Variants in RBFOX1 observed in about 807,000 individuals in gnomAD.
The protein encoded by RBFOX1 is RNA binding protein fox-1 homolog 1.
In RBFOX1, 8 loss-of-function variants were observed where a neutral mutation model predicts 57.7. The observed-to-expected ratio is 0.14, with a 90% CI of 0.08 to 0.25. The LOEUF (loss-of-function observed/expected upper bound fraction) is 0.25, where lower values mean the gene tolerates loss of function less well. Ranked by LOEUF, RBFOX1 falls within the 10% of genes least tolerant of loss-of-function variation. The probability of loss-of-function intolerance (pLI) is 1.00; values close to 1 mark genes in which losing one functional copy is unlikely to be tolerated. For missense variants in RBFOX1, 611 were observed against 548.5 expected, an observed-to-expected ratio of 1.11 and a Z score of -1.14; for synonymous variants, 326 against 222.4, an observed-to-expected ratio of 1.47 and a Z score of -4.15.
intron 4 of RBFOX1, among the ~76,000 whole-genome samples, chr16:5,913,685 G>A (rs2058650383): frequency 6.6e-6 from 1 of 152,158 alleles, no homozygotes; most frequent in African/African-American, 2.4e-5. Context: ...ATGCAAAACA[G>A]GCTAACACAG....
chr16:7,709,172 C>G, intron 15 of RBFOX1, 41 bp downstream of exon 15: 1 of 1,543,536 alleles, frequency 6.5e-7, no homozygotes, highest in Non-Finnish European at 8.9e-7. Flanking sequence ...CCTCCTGCCT[C>G]CCTTCCCTTT....
intron 3 of RBFOX1, among the ~76,000 whole-genome samples, chr16:5,652,447 T>C (rs533012267): frequency 2.4e-4 from 36 of 152,282 alleles, no homozygotes; most frequent in African/African-American, 7.9e-4. Context: ...AAGGGAAGCC[T>C]GTATCACATG....
In RBFOX1 at chr16:6,854,688, G is replaced by C. The variant is rs946500987; in HGVS notation, c.-15-197369G>C. Among the ~76,000 whole-genome samples, 3 of 142,598 alleles carry C rather than the reference G, an allele frequency of 2.1e-5. No individual in the cohort carries two copies. In the Admixed American group the frequency reaches 2.2e-4, roughly 10 times the overall value. The allele number at this position is 142,598 out of a possible 152,430, so 93.5% of individuals were successfully genotyped here. On this transcript the variant is annotated intron_variant, in intron 3 of 15. Coordinates refer to ENST00000550418, the MANE Select transcript of RBFOX1 (RefSeq NM_018723.4). ...GGGCTCACTGCAAGCTCCGCCTCCT[G>C]GGTTCAAGTCGTTCTCCTGCGTCAG...
At chr16:7,631,996 G>A (rs370514994) in intron 11 of RBFOX1, among the ~76,000 whole-genome samples, 3 of 152,102 alleles carry the variant, frequency 2.0e-5, no homozygotes, top group Non-Finnish European at 2.9e-5. Flanking sequence ...TGCAACCTCC[G>A]CCTCCTGGGC....
chr16:5,874,045 A>G (rs2057543255), intron 4 of RBFOX1, among the ~76,000 whole-genome samples: 1 of 152,234 alleles, frequency 6.6e-6, no homozygotes, highest in East Asian at 1.9e-4. Context: ...ATGGAAATCA[A>G]AGAGTAAGAT....
chr16:6,598,457 C>T (rs1195455986), intron 2 of RBFOX1, among the ~76,000 whole-genome samples: 1 of 152,052 alleles, frequency 6.6e-6, no homozygotes, highest in Non-Finnish European at 1.5e-5. Context: ...TTGTTATCTC[C>T]CAGTAATCCT....
At chr16:6,893,987 A>C (rs540373948) in intron 3 of RBFOX1, among the ~76,000 whole-genome samples, 1 of 152,186 alleles carries the variant, frequency 6.6e-6, no homozygotes, top group South Asian at 2.1e-4. Flanking sequence ...TAATATCCCA[A>C]AGACAGTGCT....
chr16:5,296,738 G>C (rs893202464), intron 1 of RBFOX1, among the ~76,000 whole-genome samples: 1 of 151,380 alleles, frequency 6.6e-6, no homozygotes, highest in Non-Finnish European at 1.5e-5. Context: ...GAGTGCAGTG[G>C]CGCGATCCTG....
At chr16:6,216,893 T>C (rs1159572658) in intron 1 of RBFOX1, among the ~76,000 whole-genome samples, 1 of 152,172 alleles carries the variant, frequency 6.6e-6, no homozygotes, top group African/African-American at 2.4e-5. Context: ...CGCTCTCCCT[T>C]GGAAGCTCTT....
In RBFOX1 at chr16:6,078,129, C is replaced by T. The variant is rs971271759; in HGVS notation, c.-127+58137C>T. 3.3e-5 allele frequency among the ~76,000 whole-genome samples: 5 copies of T among 152,226 alleles called. No individual in the cohort carries two copies. In the East Asian group the frequency reaches 9.6e-4, roughly 29 times the overall value. ...CCGGGGAGGTTAAGAGTTGCTGTGTCCTTTCTCAGTCCCACCACTTGAACA... is the reference window on the plus strand; with the variant it reads ...CCGGGGAGGTTAAGAGTTGCTGTGTTCTTTCTCAGTCCCACCACTTGAACA... On this transcript the variant is annotated intron_variant, in intron 1 of 15. Transcript: ENST00000550418.
chr16:6,587,922 G>A (rs2097653240), intron 2 of RBFOX1, among the ~76,000 whole-genome samples: 1 of 152,152 alleles, frequency 6.6e-6, no homozygotes, highest in African/African-American at 2.4e-5. Context: ...GCTTCAACAT[G>A]CTTCTCTTAA....
At chr16:7,388,644 C>CTTTTTTTTTTTTTTTTTTT (rs61629644) in intron 4 of RBFOX1, among the ~76,000 whole-genome samples, 1 of 92,620 alleles carries the variant, frequency 1.1e-5, no homozygotes, top group Non-Finnish European at 2.0e-5. Flanking sequence ...GTTTCACTTA[C>CTTTTTTTTTTTTTTTTTTT]TTTTTTTTTT....
At chr16:7,086,652 G>C (rs1265448838) in intron 4 of RBFOX1, among the ~76,000 whole-genome samples, 5 of 151,736 alleles carry the variant, frequency 3.3e-5, no homozygotes, top group Non-Finnish European at 5.9e-5. Flanking sequence ...CTATTGAAAC[G>C]ATCAAGTTTT....
At chr16:5,510,306 G>A (rs1182635671) in intron 2 of RBFOX1, among the ~76,000 whole-genome samples, 1 of 152,186 alleles carries the variant, frequency 6.6e-6, no homozygotes. Flanking sequence ...ATCTTGCCTG[G>A]GGTTGGCTGG....
intron 1 of RBFOX1, among the ~76,000 whole-genome samples, chr16:5,363,304 C>G (rs1398034496): frequency 1.3e-5 from 2 of 151,982 alleles, no homozygotes; most frequent in African/African-American, 4.8e-5. Context: ...CTTGGTCTCC[C>G]AAAGTGGTGG....
chr16:7,349,718 A>T (rs1258044098), intron 4 of RBFOX1, among the ~76,000 whole-genome samples: 1 of 152,168 alleles, frequency 6.6e-6, no homozygotes. Flanking sequence ...GTAAATATTT[A>T]TTCAACATTC....
At chr16:6,775,160 C>T (rs1354622151) in intron 3 of RBFOX1, among the ~76,000 whole-genome samples, 1 of 133,348 alleles carries the variant, frequency 7.5e-6, no homozygotes, top group African/African-American at 3.1e-5. Context: ...CCCGTCTCTA[C>T]TAAAAGTACA....
intron 3 of RBFOX1, among the ~76,000 whole-genome samples, chr16:6,774,815 C>A (rs958515205): frequency 6.6e-6 from 1 of 151,862 alleles, no homozygotes; most frequent in African/African-American, 2.4e-5. Context: ...ATATAGTAGC[C>A]ATGAGCCGTA....
intron 3 of RBFOX1, among the ~76,000 whole-genome samples, chr16:6,942,857 T>C (rs1053950826): frequency 3.9e-5 from 6 of 152,228 alleles, no homozygotes; most frequent in Admixed American, 1.3e-4. Flanking sequence ...ACAGTCCTTC[T>C]ACATGGGTGT....
Sources: gnomAD v4.1 joint callset for allele counts (sites outside exome capture counted in the v4.1 genomes callset) on GRCh38, gnomAD v4.1.1 for gene constraint, MANE v1.5 for transcripts, NCBI Gene and HGNC (gene_info 2026-07-23, HGNC 2026-07-21) for gene names.